Variants in KCNN3 observed in about 807,000 individuals in gnomAD.
The protein encoded by KCNN3 is small conductance calcium-activated potassium channel protein 3.
Under a neutral mutation model 62.9 loss-of-function variants are expected in KCNN3, and 16 were observed. The ratio of observed to expected loss-of-function variants is 0.25; its 90% confidence interval spans 0.17 to 0.39. The LOEUF (loss-of-function observed/expected upper bound fraction) is 0.39, where lower values mean the gene tolerates loss of function less well. Among genes scored for constraint, KCNN3 ranks in the 10% least tolerant of loss-of-function variants. The pLI is 1.00. For missense variants in KCNN3, 599 were observed against 949.4 expected (o/e 0.63, Z 4.85); for synonymous variants, 370 against 389.2 (o/e 0.95, Z 0.58).
chr1:154,845,435 G>A (rs780134677), intron 1 of KCNN3, among the ~76,000 whole-genome samples: 4 of 152,180 alleles, frequency 2.6e-5, no homozygotes, highest in Non-Finnish European at 5.9e-5. Flanking sequence ...GGAACCAGAT[G>A]CACCTGCATT....
At chr1:154,830,774 T>C (rs1325055283) in intron 1 of KCNN3, among the ~76,000 whole-genome samples, 2 of 152,264 alleles carry the variant, frequency 1.3e-5, no homozygotes, top group East Asian at 3.9e-4. Context: ...GCCAGCATGA[T>C]GACCAGGACA....
chr1:154,714,127 TTG>T (rs1317122880), intron 6 of KCNN3, among the ~76,000 whole-genome samples: 4 of 4,970 alleles, frequency 8.0e-4, no homozygotes, highest in African/African-American at 3.0e-3. Context: ...TGTGTGTGGG[TTG>T]TGTGTGTGGT....
chr1:154,848,801 C>G (rs1182856638), intron 1 of KCNN3, among the ~76,000 whole-genome samples: 2 of 152,254 alleles, frequency 1.3e-5, no homozygotes, highest in Middle Eastern at 3.4e-3. Context: ...CATTAATATC[C>G]GCGGCAGGCC....
At chr1:154,821,173 G>A (rs547623921) in intron 2 of KCNN3, among the ~76,000 whole-genome samples, 7 of 152,298 alleles carry the variant, frequency 4.6e-5, no homozygotes, top group South Asian at 2.1e-4. Flanking sequence ...GGTCATGGCC[G>A]AGACTTGACC....
intron 2 of KCNN3, among the ~76,000 whole-genome samples, chr1:154,807,299 C>T (rs1433577006): frequency 6.6e-6 from 1 of 152,168 alleles, no homozygotes; most frequent in Non-Finnish European, 1.5e-5. Flanking sequence ...ACAACTCGAG[C>T]CCGTAACCCA....
chr1:154,762,848 G>C (rs1308646517), intron 3 of KCNN3, among the ~76,000 whole-genome samples: 1 of 152,120 alleles, frequency 6.6e-6, no homozygotes, highest in Non-Finnish European at 1.5e-5. Context: ...GAGAGCTAGG[G>C]TTCCAATTTG....
At chr1:154,756,024 A>T (rs1647670802) in intron 3 of KCNN3, among the ~76,000 whole-genome samples, 1 of 119,138 alleles carries the variant, frequency 8.4e-6, no homozygotes, top group East Asian at 2.5e-4. Context: ...AAGAAGAAGA[A>T]GACGATGATG....
intron 3 of KCNN3, among the ~76,000 whole-genome samples, chr1:154,740,095 T>C (rs1192036708): frequency 6.6e-6 from 1 of 152,262 alleles, no homozygotes; most frequent in Admixed American, 6.5e-5. Flanking sequence ...GAATTGCTTC[T>C]TTTCTGTTCA....
chr1:154,828,139 T>C (rs1484189671), intron 1 of KCNN3, among the ~76,000 whole-genome samples: 1 of 152,142 alleles, frequency 6.6e-6, no homozygotes, highest in Non-Finnish European at 1.5e-5. Context: ...GCCCAGGGTG[T>C]GCATCCGAGG....
At chr1:154,814,030 C>A (rs1254042177) in intron 2 of KCNN3, among the ~76,000 whole-genome samples, 1 of 152,260 alleles carries the variant, frequency 6.6e-6, no homozygotes, top group Non-Finnish European at 1.5e-5. Context: ...GCGGCCGATC[C>A]AAGTGAAAAG....
At chr1:154,781,075 G>A (rs1336578166) in intron 2 of KCNN3, among the ~76,000 whole-genome samples, 1 of 152,180 alleles carries the variant, frequency 6.6e-6, no homozygotes, top group Non-Finnish European at 1.5e-5. Context: ...GGCTTCTCCT[G>A]AGCGCTTCGC....
At chr1:154,791,871 G>A (rs907712347) in intron 2 of KCNN3, among the ~76,000 whole-genome samples, 3 of 152,206 alleles carry the variant, frequency 2.0e-5, no homozygotes, top group South Asian at 2.1e-4. Context: ...GCTGACTCAC[G>A]TCCCTTTGGG....
chr1:154,810,579 G>A (rs78493915), intron 2 of KCNN3, among the ~76,000 whole-genome samples: 1,598 of 152,294 alleles, frequency 0.01, 19 homozygotes, highest in African/African-American at 0.037. Flanking sequence ...CTTGAGGCAA[G>A]CCTTGGACCC....
rs186815232 is a variant in KCNN3, at chr1:154,721,319, A to C, written c.1701+4597T>G. 9.6e-3 allele frequency among the ~76,000 whole-genome samples: 906 copies of C among 94,246 alleles called. 13 individuals are homozygous for C. The highest frequency in any genetic ancestry group is 0.036 in the African/African-American group (878 of 24,648). The allele number at this position is 94,246 out of a possible 152,430, so 61.8% of individuals were successfully genotyped here. On this transcript the variant is annotated intron_variant, in intron 5 of 7. Coordinates refer to ENST00000271915, the MANE Select transcript of KCNN3 (RefSeq NM_002249.6). ...TTCTTTCCTTTTTTTTTTTTTTTTG[A>C]GATGGAGTCTCACTCTGTCACCCAG...
chr1:154,744,089 C>T (rs1038642427), intron 3 of KCNN3, among the ~76,000 whole-genome samples: 2 of 152,186 alleles, frequency 1.3e-5, no homozygotes, highest in African/African-American at 4.8e-5. Flanking sequence ...TTATCACCAC[C>T]TGACATAATA....
intron 3 of KCNN3, among the ~76,000 whole-genome samples, chr1:154,756,801 C>T (rs866328650): frequency 2.6e-5 from 4 of 152,116 alleles, no homozygotes; most frequent in Non-Finnish European, 5.9e-5. Flanking sequence ...TGTTTCCTTA[C>T]TTGTTACCTG....
intron 2 of KCNN3, among the ~76,000 whole-genome samples, chr1:154,791,286 C>CTT (rs34318428): frequency 1.5e-4 from 21 of 137,380 alleles, no homozygotes; most frequent in African/African-American, 4.9e-4. Flanking sequence ...TATCATACCA[C>CTT]TTTTTTTTTT....
intron 1 of KCNN3, chr1:154,867,921 G>A (rs1255809061): frequency 2.0e-6 from 2 of 983,264 alleles, no homozygotes; most frequent in Non-Finnish European, 2.4e-6. Flanking sequence ...AGAGCTCCCC[G>A]GCAAGCAGAG....
chr1:154,797,096 G>C (rs1166496378), intron 2 of KCNN3, among the ~76,000 whole-genome samples: 1 of 152,218 alleles, frequency 6.6e-6, no homozygotes, highest in Non-Finnish European at 1.5e-5. Context: ...AAGGAGAGGA[G>C]AGGGTAAGAC....
Sources: allele counts gnomAD v4.1 joint callset (sites outside exome capture counted in the v4.1 genomes callset), GRCh38; gene constraint gnomAD v4.1.1; transcripts MANE v1.5; gene names NCBI Gene and HGNC (gene_info 2026-07-23, HGNC 2026-07-21).